The following ATP2A3 variants were observed in gnomAD, a reference collection of about 807,000 sequenced individuals.
ATP2A3 encodes ATPase sarcoplasmic/endoplasmic reticulum Ca2+ transporting 3.
A neutral mutation model predicts 106.8 loss-of-function variants in ATP2A3; 61 were observed. The ratio of observed to expected loss-of-function variants is 0.57; its 90% confidence interval spans 0.46 to 0.71. ATP2A3 has a LOEUF of 0.71. Among genes scored for constraint, ATP2A3 ranks in the 30% least tolerant of loss-of-function variants. The probability of loss-of-function intolerance (pLI) is 0.00; values close to 1 mark genes in which losing one functional copy is unlikely to be tolerated. For synonymous variants in ATP2A3, 611 were observed against 609.3 expected, an observed-to-expected ratio of 1.00 and a Z score of -0.04; for missense variants, 1,201 against 1,423.5, an observed-to-expected ratio of 0.84 and a Z score of 2.52.
rs1365931493 is a variant in ATP2A3 at position 3,955,489 on chromosome 17, C to T, written c.119-1779G>A. 2.0e-5 allele frequency among the ~76,000 whole-genome samples: 3 copies of T among 152,194 alleles called. No individual in the cohort carries two copies. The highest frequency in any genetic ancestry group is 7.2e-5 in the African/African-American group (3 of 41,444). ...CGTGGAAAATGTAATCTCCAGTGTCCTGCGTCGAGATTAAAATCAAACAGA... is the reference window on the plus strand; with the variant it reads ...CGTGGAAAATGTAATCTCCAGTGTCTTGCGTCGAGATTAAAATCAAACAGA... On this transcript the variant is annotated intron_variant, in intron 1 of 20. Transcript: ENST00000397041. This position sits in a 1 kb window ranked among gnomAD's most constrained non-coding sequence, Gnocchi z 4.2.
intron 14 of ATP2A3, among the ~76,000 whole-genome samples, chr17:3,938,922 CT>C (rs2053592155): frequency 6.6e-6 from 1 of 150,922 alleles, no homozygotes; most frequent in African/African-American, 2.5e-5. Context: ...AATCCTAGCA[CT>C]TTAGGAGGCC....
chr17:3,937,952 A>G (rs574706204), intron 14 of ATP2A3, among the ~76,000 whole-genome samples: 1 of 152,232 alleles, frequency 6.6e-6, no homozygotes, highest in South Asian at 2.1e-4. Context: ...TGTGGGGTAG[A>G]AGATGAAACT....
chr17:3,951,080 G>C (rs1378343591), intron 5 of ATP2A3, among the ~76,000 whole-genome samples, 171 bp downstream of exon 5: 1 of 152,046 alleles, frequency 6.6e-6, no homozygotes, highest in Non-Finnish European at 1.5e-5. Flanking sequence ...CCTGAGACAG[G>C]AGGATTGCTT....
chr17:3,935,415 C>G, intron 16 of ATP2A3, 138 bp from the exon 17 acceptor site: 3 of 764,884 alleles, frequency 3.9e-6, no homozygotes, highest in Non-Finnish European at 6.5e-6. Flanking sequence ...GCAGGCACCT[C>G]CCCTCGATGC....
Position 3,941,458 on chromosome 17 carries a change from C to G in ATP2A3, c.1742G>C (p.Cys581Ser), listed in dbSNP as rs768490217. 3.8e-5 allele frequency: 62 copies of G among 1,614,114 alleles called. No homozygotes were observed. The South Asian group carries it at 4.8e-4, about 13-fold the overall frequency. ...PRKEDMELDDCSKFVQYETDL... is the reference protein window; with the variant it reads ...PRKEDMELDDSSKFVQYETDL... ...CACCTCGTACTGCACAAACTTGCTG[C>G]AGTCGTCCAGCTCCATGTCCTCCTT... is the stretch of plus-strand genomic sequence containing the variant. The change falls in exon 13 of 21, where the codon TGC (cysteine) becomes TCC (serine). Residue 581 changes from cysteine (C) to serine (S), a missense_variant. By Grantham distance (112) the Cys-to-Ser change is moderately radical. Transcript: ENST00000397041.
At chr17:3,932,782 G>A (rs1001039950) in intron 17 of ATP2A3, among the ~76,000 whole-genome samples, 3 of 151,570 alleles carry the variant, frequency 2.0e-5, no homozygotes, top group African/African-American at 7.3e-5. Flanking sequence ...CCAGAACTTT[G>A]AACCTGACTC....
At chr17:3,952,591 A>G (rs2054513515) in intron 3 of ATP2A3, among the ~76,000 whole-genome samples, 1 of 151,954 alleles carries the variant, frequency 6.6e-6, no homozygotes, top group African/African-American at 2.4e-5. Flanking sequence ...ATGTCCGAAG[A>G]CATTTTTAAT....
In ATP2A3 at chr17:3,953,169, C is replaced by A; in HGVS notation, c.219+178G>T. Reference sequence around the variant, plus strand: ...GGAGCCGGGGACCCAATGTAGGGGCCATGAGGGTTCAGGCAAGGGAAGCTG... The same window carrying A: ...GGAGCCGGGGACCCAATGTAGGGGCAATGAGGGTTCAGGCAAGGGAAGCTG... On this transcript the variant is annotated intron_variant, in intron 3 of 20. Coordinates refer to ENST00000397041, the MANE Select transcript of ATP2A3 (RefSeq NM_005173.4). The surrounding 1 kb of genome is among the most constrained non-coding windows in gnomAD (Gnocchi z 5.1). 1.4e-6 allele frequency: 1 copy of A among 707,660 alleles called. No homozygotes were observed. 43.8% of individuals were successfully genotyped at this position (707,660 alleles called of 1,614,324 possible).
At position 3,950,803 on chromosome 17, in the gene ATP2A3, T is replaced by A. The variant is rs1035661114; in HGVS notation, c.464-30A>T. On this transcript the variant is annotated intron_variant, in intron 5 of 20. Coordinates refer to ENST00000397041, the MANE Select transcript of ATP2A3 (RefSeq NM_005173.4). Reference sequence around the variant, plus strand: ...GCGGGGAGAATGGCTTGGCTGAGGGTGGCTTTGGGCACCACCAGCTGGGAA... The same window carrying A: ...GCGGGGAGAATGGCTTGGCTGAGGGAGGCTTTGGGCACCACCAGCTGGGAA... 1.9e-6 allele frequency: 3 copies of A among 1,607,808 alleles called. No individual in the cohort carries two copies. The African/African-American group carries it at 4.0e-5, about 22-fold the overall frequency.
intron 11 of ATP2A3, 30 bp from the exon 12 acceptor site, chr17:3,942,761 A>G: frequency 6.2e-7 from 1 of 1,609,646 alleles, no homozygotes; most frequent in South Asian, 1.1e-5. Flanking sequence ...CAGGGCATGA[A>G]GGACAGAGCC....
chr17:3,953,171 T>C lies in ATP2A3; in HGVS notation c.219+176A>G. The C allele has an allele frequency of 1.4e-6, 1 of 716,256 alleles. No individual in the cohort carries two copies. Among genetic ancestry groups the C allele is most frequent in the Non-Finnish European group, 2.5e-6 (1 of 404,934 alleles). The allele number at this position is 716,256 out of a possible 1,614,324, so 44.4% of individuals were successfully genotyped here. A position where few individuals can be genotyped will look rare whatever the true frequency, so the allele number is the denominator to read the frequency against. On this transcript the variant is annotated intron_variant, in intron 3 of 20. Coordinates refer to ENST00000397041, the MANE Select transcript of ATP2A3 (RefSeq NM_005173.4). This position sits in a 1 kb window ranked among gnomAD's most constrained non-coding sequence, Gnocchi z 5.1. ...AGCCGGGGACCCAATGTAGGGGCCA[T>C]GAGGGTTCAGGCAAGGGAAGCTGAA...
intron 17 of ATP2A3, among the ~76,000 whole-genome samples, chr17:3,932,674 A>G (rs1465187045): frequency 6.6e-6 from 1 of 152,168 alleles, no homozygotes; most frequent in Admixed American, 6.5e-5. Flanking sequence ...TCCTGGGCTC[A>G]AGTGATCTGC....
At chr17:3,951,456 A>C in intron 4 of ATP2A3, 67 bp from the exon 5 acceptor site, 1 of 1,610,020 alleles carries the variant, frequency 6.2e-7, no homozygotes, top group Non-Finnish European at 8.5e-7. Context: ...CCTTGGAGTG[A>C]CTCCTCTGGG....
chr17:3,928,824 C>T lies in ATP2A3; in HGVS notation c.2863-44G>A. ...GAGGTTTGGTTAAAGGAAGGACTGG[C>T]TGTCCCGTGCCCCAGCCATCTGCTG... On this transcript the variant is annotated intron_variant, in intron 19 of 20. Transcript: ENST00000397041. This position sits in a 1 kb window ranked among gnomAD's most constrained non-coding sequence, Gnocchi z 6.1. The T allele has an allele frequency of 6.8e-7, 1 of 1,465,588 alleles. No homozygotes were observed. The highest frequency in any genetic ancestry group is 1.2e-5 in the South Asian group (1 of 82,052). 90.8% of individuals were successfully genotyped at this position (1,465,588 alleles called of 1,614,324 possible). A position where few individuals can be genotyped will look rare whatever the true frequency, so the allele number is the denominator to read the frequency against.
At position 3,936,525 on chromosome 17, in the gene ATP2A3, G is replaced by T; in HGVS notation, c.2322-56C>A. The T allele has an allele frequency of 1.3e-6, 2 of 1,588,400 alleles. No homozygotes were observed. Among genetic ancestry groups the T allele is most frequent in the Admixed American group, 1.7e-5 (1 of 59,848 alleles). Reference sequence around the variant, plus strand: ...TAGGCCTAGCCCCCGGCAGATGCAGGCTCCAGCTCCTGCTCAGACCCAAGG... The same window carrying T: ...TAGGCCTAGCCCCCGGCAGATGCAGTCTCCAGCTCCTGCTCAGACCCAAGG... On this transcript the variant is annotated intron_variant, in intron 15 of 20. Coordinates refer to ENST00000397041, the MANE Select transcript of ATP2A3 (RefSeq NM_005173.4). The surrounding 1 kb of genome is among the most constrained non-coding windows in gnomAD (Gnocchi z 5.4).
chr17:3,957,628 G>C (rs979573260), intron 1 of ATP2A3, among the ~76,000 whole-genome samples: 1 of 151,942 alleles, frequency 6.6e-6, no homozygotes, highest in African/African-American at 2.4e-5. Flanking sequence ...TTCTCCCCTC[G>C]CATGAATGAG....
At position 3,952,532 on chromosome 17, in the gene ATP2A3, G is replaced by A. The variant is rs114020791; in HGVS notation, c.219+815C>T. Among the ~76,000 whole-genome samples, 148 of 152,280 alleles carry A rather than the reference G, an allele frequency of 9.7e-4. 1 individual carries two copies. Among genetic ancestry groups the A allele is most frequent in the African/African-American group, 3.2e-3 (132 of 41,556 alleles). ...CACTGGGATCCACGGAAGGGGCTCC[G>A]GCAGCAGCACTCAGCCAGGGACAAG... is the stretch of plus-strand genomic sequence containing the variant. On this transcript the variant is annotated intron_variant, in intron 3 of 20. Coordinates refer to ENST00000397041, the MANE Select transcript of ATP2A3 (RefSeq NM_005173.4).
chr17:3,928,582 A>G lies in ATP2A3; in HGVS notation c.2980+81T>C. 7.8e-7 allele frequency: 1 copy of G among 1,286,472 alleles called. No individual in the cohort carries two copies. The highest frequency in any genetic ancestry group is 1.1e-6 in the Non-Finnish European group (1 of 907,780). 79.7% of individuals were successfully genotyped at this position (1,286,472 alleles called of 1,614,324 possible). Reference sequence around the variant, plus strand: ...TGCAGACAGAGAGGCTCTGCGCTCCACACCCACAGCGTCCACTGCAGCCCA... The same window carrying G: ...TGCAGACAGAGAGGCTCTGCGCTCCGCACCCACAGCGTCCACTGCAGCCCA... On this transcript the variant is annotated intron_variant, in intron 20 of 20. Transcript: ENST00000397041. The surrounding 1 kb of genome is among the most constrained non-coding windows in gnomAD (Gnocchi z 6.1).
intron 14 of ATP2A3, among the ~76,000 whole-genome samples, chr17:3,939,135 C>A (rs1041671137): frequency 6.6e-6 from 1 of 152,072 alleles, no homozygotes; most frequent in African/African-American, 2.4e-5. Flanking sequence ...CCACTGCATT[C>A]CAGCCTGGGC....
Sources: gnomAD v4.1 joint callset for allele counts (sites outside exome capture counted in the v4.1 genomes callset) on GRCh38, gnomAD v4.1.1 for gene constraint, Gnocchi (gnomAD v3.1) non-coding constraint, MANE v1.5 for transcripts, NCBI Gene and HGNC (gene_info 2026-07-23, HGNC 2026-07-21) for gene names.